The following CACNG3 variants were observed in gnomAD, a reference collection of about 807,000 sequenced individuals.
CACNG3 encodes calcium voltage-gated channel auxiliary subunit gamma 3, also known as voltage-dependent calcium channel gamma-3 subunit.
In CACNG3, 3 loss-of-function variants were observed where a neutral mutation model predicts 28.5. That is an observed-to-expected ratio of 0.11 (90% CI 0.05 to 0.27). The LOEUF (loss-of-function observed/expected upper bound fraction) is 0.27, where lower values mean the gene tolerates loss of function less well. CACNG3 is among the 10% of genes least tolerant of loss of function. The pLI is 1.00. For missense variants in CACNG3, 236 were observed against 414.4 expected, an observed-to-expected ratio of 0.57 and a Z score of 3.74; for synonymous variants, 174 against 162.2, an observed-to-expected ratio of 1.07 and a Z score of -0.55.
At chr16:24,317,358 A>C (rs1342641787) in intron 1 of CACNG3, among the ~76,000 whole-genome samples, 1 of 151,924 alleles carries the variant, frequency 6.6e-6, no homozygotes, top group Admixed American at 6.6e-5. Flanking sequence ...CCTGGCCAAC[A>C]TGGTGAAACC....
intron 1 of CACNG3, among the ~76,000 whole-genome samples, chr16:24,330,250 G>C (rs1354439954): frequency 6.6e-6 from 1 of 152,184 alleles, no homozygotes; most frequent in East Asian, 1.9e-4. Flanking sequence ...CGCAGCTGCA[G>C]TCAAGGACTC....
intron 1 of CACNG3, among the ~76,000 whole-genome samples, chr16:24,340,771 C>T (rs1010239266): frequency 6.6e-6 from 1 of 152,192 alleles, no homozygotes; most frequent in African/African-American, 2.4e-5. Context: ...AAACCTCTTC[C>T]CGGGGTCCTG....
intron 1 of CACNG3, among the ~76,000 whole-genome samples, chr16:24,327,438 GTATATATATATA>G (rs1217768689): frequency 7.8e-6 from 1 of 127,872 alleles, no homozygotes; most frequent in Non-Finnish European, 1.6e-5. Flanking sequence ...GTGTGTGTGT[GTATATATATATA>G]TATATACACA....
intron 1 of CACNG3, among the ~76,000 whole-genome samples, chr16:24,326,181 T>C (rs578141187): frequency 1.3e-5 from 2 of 151,796 alleles, no homozygotes; most frequent in South Asian, 4.2e-4. Flanking sequence ...TTTCTTTTTT[T>C]TTTTTTTGAG....
At chr16:24,324,932 T>C (rs967197206) in intron 1 of CACNG3, among the ~76,000 whole-genome samples, 1 of 152,160 alleles carries the variant, frequency 6.6e-6, no homozygotes, top group African/African-American at 2.4e-5. Context: ...ACCTCCTCCC[T>C]GCCTCATCAC....
intron 1 of CACNG3, among the ~76,000 whole-genome samples, chr16:24,274,834 G>A (rs781587137): frequency 1.2e-4 from 18 of 152,116 alleles, no homozygotes; most frequent in Non-Finnish European, 2.1e-4. Flanking sequence ...CGTTAGACTC[G>A]TTTTATCAAT....
intron 1 of CACNG3, among the ~76,000 whole-genome samples, chr16:24,296,424 C>T (rs1333990045): frequency 6.6e-6 from 1 of 152,162 alleles, no homozygotes; most frequent in Non-Finnish European, 1.5e-5. Context: ...TGCACAAAAA[C>T]TTAATCAATT....
chr16:24,289,598 C>T (rs140229802), intron 1 of CACNG3, among the ~76,000 whole-genome samples: 2 of 152,276 alleles, frequency 1.3e-5, no homozygotes, highest in African/African-American at 4.8e-5. Context: ...CCCTTCATGC[C>T]TGGGTCTCCA....
chr16:24,300,791 C>T (rs566835113), intron 1 of CACNG3, among the ~76,000 whole-genome samples: 4 of 152,052 alleles, frequency 2.6e-5, no homozygotes, highest in East Asian at 3.9e-4. Flanking sequence ...CAGTGGACCA[C>T]GCCTGTAATC....
intron 1 of CACNG3, among the ~76,000 whole-genome samples, chr16:24,280,821 C>CAAAAAAAAAAAAAAAA (rs71154295): frequency 5.4e-5 from 3 of 55,646 alleles, no homozygotes; most frequent in Non-Finnish European, 9.6e-5. Flanking sequence ...GAGTTTGTCT[C>CAAAAAAAAAAAAAAAA]AAAAAAAAAA....
chr16:24,351,375 CA>C (rs1244239421), intron 2 of CACNG3, among the ~76,000 whole-genome samples: 5 of 151,896 alleles, frequency 3.3e-5, no homozygotes, highest in Non-Finnish European at 7.4e-5. Flanking sequence ...AGTTCGAGAC[CA>C]ACCAGACCAA....
At chr16:24,279,253 G>A (rs994926826) in intron 1 of CACNG3, among the ~76,000 whole-genome samples, 11 of 152,234 alleles carry the variant, frequency 7.2e-5, no homozygotes, top group Middle Eastern at 3.4e-3. Context: ...TCATTCTGGC[G>A]GAAGTGTGGG....
chr16:24,335,186 G>A (rs760527146), intron 1 of CACNG3, among the ~76,000 whole-genome samples: 5 of 152,158 alleles, frequency 3.3e-5, no homozygotes, highest in Non-Finnish European at 7.3e-5. Flanking sequence ...TTGGGAGGCT[G>A]AGGCAGGCAG....
Position 24,256,906 on chromosome 16 carries a change from G to A in CACNG3, c.152G>A (p.Ser51Asn). Reference sequence around the variant, plus strand: ...AAATCTACAAGTGATAATGAAACCAGCAGGAAGAATGAAGAAGTAATGACC... The same window carrying A: ...AAATCTACAAGTGATAATGAAACCAACAGGAAGAATGAAGAAGTAATGACC... ...RTKSTSDNET[S>N]RKNEEVMTHS... Residue 51 changes from serine to asparagine, a missense_variant, in exon 1 of 4, where the codon AGC (serine) becomes AAC (asparagine). Transcript: ENST00000005284. The surrounding 1 kb of genome is among the most constrained non-coding windows in gnomAD (Gnocchi z 4.6). 1 of 1,614,060 alleles carries A rather than the reference G, an allele frequency of 6.2e-7. No individual in the cohort carries two copies. The highest frequency in any genetic ancestry group is 8.5e-7 in the Non-Finnish European group (1 of 1,179,898).
intron 1 of CACNG3, among the ~76,000 whole-genome samples, chr16:24,304,771 A>C (rs1276932647): frequency 6.6e-6 from 1 of 152,126 alleles, no homozygotes; most frequent in Non-Finnish European, 1.5e-5. Context: ...CATGTTGCCC[A>C]GGCTGGTCTC....
At chr16:24,264,974 C>G (rs370124167) in intron 1 of CACNG3, among the ~76,000 whole-genome samples, 1 of 152,170 alleles carries the variant, frequency 6.6e-6, no homozygotes, top group African/African-American at 2.4e-5. Flanking sequence ...CATGGTGGAT[C>G]ACATCTGTAA....
At chr16:24,330,584 G>C (rs1236547030) in intron 1 of CACNG3, among the ~76,000 whole-genome samples, 1 of 152,228 alleles carries the variant, frequency 6.6e-6, no homozygotes, top group Non-Finnish European at 1.5e-5. Context: ...CTCTAATTCA[G>C]GGCATTGTGT....
At chr16:24,297,151 G>A (rs550251181) in intron 1 of CACNG3, among the ~76,000 whole-genome samples, 6 of 152,210 alleles carry the variant, frequency 3.9e-5, no homozygotes, top group African/African-American at 1.2e-4. Flanking sequence ...AGGAGGCTGA[G>A]GCAGGAGGAT....
chr16:24,321,558 T>C (rs1845896735), intron 1 of CACNG3, among the ~76,000 whole-genome samples: 1 of 152,242 alleles, frequency 6.6e-6, no homozygotes, highest in Non-Finnish European at 1.5e-5. Context: ...TAGTTTTACT[T>C]AATAGCATCC....
Sources: allele counts gnomAD v4.1 joint callset (sites outside exome capture counted in the v4.1 genomes callset), GRCh38; gene constraint gnomAD v4.1.1; non-coding constraint Gnocchi (gnomAD v3.1); transcripts MANE v1.5; gene names NCBI Gene and HGNC (gene_info 2026-07-23, HGNC 2026-07-21).